The following CACUL1 variants were observed in gnomAD, a reference collection of about 807,000 sequenced individuals.
CACUL1 encodes the protein CDK2-associated and cullin domain-containing protein 1.
In CACUL1, 13 loss-of-function variants were observed where a neutral mutation model predicts 45.2. That is an observed-to-expected ratio of 0.29 (90% CI 0.19 to 0.46). The LOEUF (loss-of-function observed/expected upper bound fraction) is 0.46, where lower values mean the gene tolerates loss of function less well. Ranked by LOEUF, CACUL1 falls within the 20% of genes least tolerant of loss-of-function variation. The pLI is 1.00. For synonymous variants in CACUL1, 197 were observed against 174.2 expected (o/e 1.13, Z -1.03); for missense variants, 421 against 471.4 (o/e 0.89, Z 0.99).
At position 118,676,500 on chromosome 10, in the gene CACUL1, A is replaced by G. The variant is rs1845099150; in HGVS notation, c.*9628T>C. ...GATGGAACTCAAAAATATTTTCAGT[A>G]AGCACAGCCATATTTGGATCCACAG... On this transcript the variant is annotated 3_prime_UTR_variant, in exon 9 of 9. Coordinates refer to ENST00000369151, the MANE Select transcript of CACUL1 (RefSeq NM_153810.5). 1.3e-5 allele frequency: 2 copies of G among 152,242 alleles called. No homozygotes were observed. Among genetic ancestry groups the G allele is most frequent in the African/African-American group, 4.8e-5 (2 of 41,468 alleles). 9.4% of individuals were successfully genotyped at this position (152,242 alleles called of 1,614,324 possible). A position where few individuals can be genotyped will look rare whatever the true frequency, so the allele number is the denominator to read the frequency against.
chr10:118,687,177 G>A (rs1045079592), intron 7 of CACUL1, among the ~76,000 whole-genome samples: 7 of 151,926 alleles, frequency 4.6e-5, no homozygotes, highest in African/African-American at 9.7e-5. Flanking sequence ...GCCCTCTGTC[G>A]CTGGTCATCT....
At chr10:118,718,264 T>G (rs947838528) in intron 3 of CACUL1, among the ~76,000 whole-genome samples, 9 of 152,152 alleles carry the variant, frequency 5.9e-5, no homozygotes, top group Non-Finnish European at 1.3e-4. Context: ...CACAGGAAAC[T>G]TGCTTACTCC....
At chr10:118,688,084 T>C (rs1405330515) in intron 7 of CACUL1, among the ~76,000 whole-genome samples, 2 of 152,258 alleles carry the variant, frequency 1.3e-5, no homozygotes, top group African/African-American at 4.8e-5. Context: ...TCTGGTTATG[T>C]TGAGGACCAG....
intron 1 of CACUL1, among the ~76,000 whole-genome samples, chr10:118,734,198 A>G (rs1340221689): frequency 6.6e-6 from 1 of 152,252 alleles, no homozygotes; most frequent in African/African-American, 2.4e-5. Flanking sequence ...ACAGTTCAGT[A>G]TGAAGCCTGC....
At chr10:118,735,944 C>T (rs1351364538) in intron 1 of CACUL1, among the ~76,000 whole-genome samples, 1 of 151,870 alleles carries the variant, frequency 6.6e-6, no homozygotes, top group Non-Finnish European at 1.5e-5. Flanking sequence ...CTGTTTAACT[C>T]GAGCTAGTTA....
intron 1 of CACUL1, among the ~76,000 whole-genome samples, 185 bp from the exon 2 acceptor site, chr10:118,730,595 C>T (rs1845689115): frequency 6.6e-6 from 1 of 152,142 alleles, no homozygotes; most frequent in African/African-American, 2.4e-5. Context: ...TGTTAAGCAG[C>T]CATTAATCAT....
intron 4 of CACUL1, among the ~76,000 whole-genome samples, chr10:118,703,363 T>C (rs1378427747): frequency 6.6e-6 from 1 of 152,112 alleles, no homozygotes; most frequent in Non-Finnish European, 1.5e-5. Context: ...CATTGTACCC[T>C]GCTTTTTCAT....
intron 4 of CACUL1, among the ~76,000 whole-genome samples, chr10:118,703,729 T>C (rs1845406934): frequency 6.6e-6 from 1 of 152,208 alleles, no homozygotes; most frequent in Admixed American, 6.5e-5. Context: ...GAACTGAATA[T>C]TGATCAAACC....
intron 1 of CACUL1, among the ~76,000 whole-genome samples, chr10:118,746,529 C>T (rs936257529): frequency 6.6e-6 from 1 of 152,094 alleles, no homozygotes. Context: ...CAGATAAAAT[C>T]TTGACTTTGG....
At chr10:118,718,162 G>C (rs541365792) in intron 3 of CACUL1, among the ~76,000 whole-genome samples, 324 of 152,244 alleles carry the variant, frequency 2.1e-3, no homozygotes, top group African/African-American at 7.6e-3. Flanking sequence ...GACAAGCAAA[G>C]GTCAGCAACC....
At chr10:118,706,938 G>A (rs913588282) in intron 4 of CACUL1, among the ~76,000 whole-genome samples, 1 of 152,154 alleles carries the variant, frequency 6.6e-6, no homozygotes, top group Non-Finnish European at 1.5e-5. Flanking sequence ...AAAGAAGAAC[G>A]GGGATCATGG....
intron 3 of CACUL1, among the ~76,000 whole-genome samples, chr10:118,717,042 C>T (rs763178263): frequency 8.5e-5 from 13 of 152,170 alleles, no homozygotes; most frequent in African/African-American, 2.9e-4. Context: ...CTGGTAATGA[C>T]GCAGATTCCT....
intron 6 of CACUL1, chr10:118,694,914 T>G: frequency 2.6e-6 from 1 of 380,002 alleles, no homozygotes; most frequent in Non-Finnish European, 5.0e-6. Flanking sequence ...ATTTCTTGTA[T>G]TTCCCTCACA....
Position 118,751,403 on chromosome 10 carries a change from C to T in CACUL1, c.367+2993G>A, listed in dbSNP as rs149314283. 5.3e-3 allele frequency among the ~76,000 whole-genome samples: 809 copies of T among 152,174 alleles called. 5 individuals carry two copies. The highest frequency in any genetic ancestry group is 0.018 in the African/African-American group (731 of 41,506). Reference sequence around the variant, plus strand: ...GTCTTTAATTCATTTGGAGTCTATCCATTTATGATATTAAATTTATTTTTT... The same window carrying T: ...GTCTTTAATTCATTTGGAGTCTATCTATTTATGATATTAAATTTATTTTTT... On this transcript the variant is annotated intron_variant, in intron 1 of 8. Transcript: ENST00000369151.
At chr10:118,718,960 A>G (rs1245114826) in intron 3 of CACUL1, among the ~76,000 whole-genome samples, 1 of 152,246 alleles carries the variant, frequency 6.6e-6, no homozygotes, top group African/African-American at 2.4e-5. Context: ...ATAAAAAACT[A>G]AGACCAAAAA....
chr10:118,705,637 C>G, intron 4 of CACUL1, among the ~76,000 whole-genome samples: 1 of 152,152 alleles, frequency 6.6e-6, no homozygotes, highest in Admixed American at 6.5e-5. Flanking sequence ...CTGTAACTTT[C>G]AGCAAGACCT....
rs938929018 is a variant in CACUL1 at position 118,754,380 on chromosome 10, G to A, written c.367+16C>T. Reference sequence around the variant, plus strand: ...GGTGGAGAAAAGCCAAGGCTGCAGGGAAAGGCTGGACTCACAGAACTTGGA... The same window carrying A: ...GGTGGAGAAAAGCCAAGGCTGCAGGAAAAGGCTGGACTCACAGAACTTGGA... On this transcript the variant is annotated intron_variant, in intron 1 of 8. Transcript: ENST00000369151. The A allele has an allele frequency of 4.0e-6, 6 of 1,515,090 alleles. No homozygotes were observed. The highest frequency in any genetic ancestry group is 5.3e-6 in the Non-Finnish European group (6 of 1,130,538). 93.9% of individuals were successfully genotyped at this position (1,515,090 alleles called of 1,614,324 possible).
intron 6 of CACUL1, chr10:118,693,177 G>A (rs912142521): frequency 1.3e-5 from 2 of 152,294 alleles, no homozygotes; most frequent in Non-Finnish European, 2.9e-5. Context: ...GGAATCTAGA[G>A]TTTAAAAAGC....
rs1365760284 is a variant in CACUL1 at position 118,683,444 on chromosome 10, C to G, written c.*2684G>C. ...GTGGCTCACACCTATAATCCCAGCA[C>G]TTTGGGAGGCCGAGGTGGGTGGATC... On this transcript the variant is annotated 3_prime_UTR_variant, in exon 9 of 9. Transcript: ENST00000369151. The G allele has an allele frequency of 6.7e-6, 1 of 149,636 alleles. No individual in the cohort carries two copies. Among genetic ancestry groups the G allele is most frequent in the Non-Finnish European group, 1.5e-5 (1 of 67,778 alleles). 9.3% of individuals were successfully genotyped at this position (149,636 alleles called of 1,614,324 possible).
Sources: allele counts gnomAD v4.1 joint callset (sites outside exome capture counted in the v4.1 genomes callset), GRCh38; gene constraint gnomAD v4.1.1; transcripts MANE v1.5; gene names NCBI Gene and HGNC (gene_info 2026-07-23, HGNC 2026-07-21).